Variants in STXBP5L observed in about 807,000 individuals in gnomAD.
STXBP5L encodes syntaxin binding protein 5L.
Under a neutral mutation model 144.5 loss-of-function variants are expected in STXBP5L, and 65 were observed. The ratio of observed to expected loss-of-function variants is 0.45; its 90% CI spans 0.37 to 0.55. The LOEUF is 0.55. Ranked by LOEUF, STXBP5L falls within the 20% of genes least tolerant of loss-of-function variation. The probability of loss-of-function intolerance (pLI) is 0.00; values close to 1 mark genes in which losing one functional copy is unlikely to be tolerated. For missense variants in STXBP5L, 1,298 were observed against 1,405.5 expected, an observed-to-expected ratio of 0.92 and a Z score of 1.22; for synonymous variants, 505 against 469.6, an observed-to-expected ratio of 1.08 and a Z score of -0.97.
chr3:121,371,843 G>A (rs968369480), intron 20 of STXBP5L, among the ~76,000 whole-genome samples: 2 of 152,222 alleles, frequency 1.3e-5, no homozygotes, highest in Non-Finnish European at 1.5e-5. Context: ...CACAGGCAGG[G>A]CAGGGCCAGT....
At chr3:121,173,348 A>G (rs1300521737) in intron 9 of STXBP5L, among the ~76,000 whole-genome samples, 1 of 150,380 alleles carries the variant, frequency 6.6e-6, no homozygotes, top group African/African-American at 2.4e-5. Flanking sequence ...AATAATAATA[A>G]TAATGATAAT....
intron 7 of STXBP5L, among the ~76,000 whole-genome samples, chr3:121,132,098 G>A (rs2045018003): frequency 6.6e-6 from 1 of 152,180 alleles, no homozygotes; most frequent in African/African-American, 2.4e-5. Flanking sequence ...TGTCTTGCCA[G>A]TCTTGGAGCA....
intron 3 of STXBP5L, among the ~76,000 whole-genome samples, chr3:120,983,955 T>C (rs757045315): frequency 2.8e-4 from 43 of 152,324 alleles, no homozygotes; most frequent in Non-Finnish European, 5.9e-4. Flanking sequence ...TTCCAGTCAG[T>C]CTCTTAACTG....
At chr3:121,121,182 C>T (rs2044443696) in intron 6 of STXBP5L, among the ~76,000 whole-genome samples, 2 of 151,156 alleles carry the variant, frequency 1.3e-5, no homozygotes, top group South Asian at 4.1e-4. Context: ...ATCAAAAGTG[C>T]CACTGTACTT....
chr3:121,340,188 A>G (rs569594494), intron 20 of STXBP5L, among the ~76,000 whole-genome samples: 1 of 152,180 alleles, frequency 6.6e-6, no homozygotes, highest in South Asian at 2.1e-4. Context: ...ACAAGATGTT[A>G]CTGGTATAAA....
chr3:120,976,679 T>C (rs1279450447), intron 3 of STXBP5L, among the ~76,000 whole-genome samples: 3 of 152,326 alleles, frequency 2.0e-5, no homozygotes, highest in Non-Finnish European at 2.9e-5. Flanking sequence ...CTTGTGGGCA[T>C]TTAGTGCTAT....
intron 18 of STXBP5L, among the ~76,000 whole-genome samples, chr3:121,279,207 G>A (rs2050974370): frequency 6.6e-6 from 1 of 151,760 alleles, no homozygotes; most frequent in African/African-American, 2.4e-5. Context: ...TTTCTCAGGA[G>A]ATTTAGTTAA....
chr3:120,971,445 A>G (rs1161262256), intron 3 of STXBP5L, among the ~76,000 whole-genome samples: 1 of 150,918 alleles, frequency 6.6e-6, no homozygotes, highest in African/African-American at 2.4e-5. Context: ...CTGTGTGTCT[A>G]TGTGTACCCA....
intron 3 of STXBP5L, among the ~76,000 whole-genome samples, chr3:120,958,647 C>T (rs1348840786): frequency 6.6e-6 from 1 of 152,144 alleles, no homozygotes; most frequent in African/African-American, 2.4e-5. Context: ...GAACCAAAGA[C>T]AAAAACCACA....
At chr3:121,414,969 A>G (rs2047198267) in intron 24 of STXBP5L, among the ~76,000 whole-genome samples, 1 of 152,164 alleles carries the variant, frequency 6.6e-6, no homozygotes, top group Non-Finnish European at 1.5e-5. Context: ...GGAATTAGTC[A>G]TTTCTCGGTT....
chr3:121,086,240 T>A (rs1404032302), intron 5 of STXBP5L, among the ~76,000 whole-genome samples: 1 of 152,138 alleles, frequency 6.6e-6, no homozygotes, highest in Admixed American at 6.5e-5. Context: ...TTTAGCTATA[T>A]CTGACAAATG....
chr3:121,062,116 T>C (rs1200387993), intron 5 of STXBP5L, among the ~76,000 whole-genome samples: 2 of 152,280 alleles, frequency 1.3e-5, no homozygotes, highest in East Asian at 1.9e-4. Context: ...TTGTTCCTGT[T>C]CATGTTTAGT....
chr3:121,168,656 G>C (rs942110114), intron 9 of STXBP5L, among the ~76,000 whole-genome samples: 1 of 152,016 alleles, frequency 6.6e-6, no homozygotes, highest in Non-Finnish European at 1.5e-5. Flanking sequence ...GAATGAAAAG[G>C]AATGAACAAA....
rs181445049 is a variant in STXBP5L at position 121,185,501 on chromosome 3, C to T, written c.878-20422C>T. Among the ~76,000 whole-genome samples the T allele has an allele frequency of 3.1e-3, 466 of 152,286 alleles. 5 individuals are homozygous for T. Among genetic ancestry groups the T allele is most frequent in the African/African-American group, 0.011 (449 of 41,558 alleles). ...AAGGTGTAAGTAAGGGATCCAGTTT[C>T]AGCTTTCTACATATGGCTGGCCAGT... On this transcript the variant is annotated intron_variant, in intron 9 of 26. Transcript: ENST00000471454.
chr3:121,266,217 C>T (rs569640368), intron 18 of STXBP5L, among the ~76,000 whole-genome samples: 12 of 152,202 alleles, frequency 7.9e-5, no homozygotes, highest in South Asian at 4.1e-4. Flanking sequence ...AACATCGATG[C>T]GAAAATCCTC....
rs1265521711 is a variant in STXBP5L, at chr3:121,313,385, C to T, written c.2111-5090C>T. 1.3e-4 allele frequency among the ~76,000 whole-genome samples: 16 copies of T among 123,648 alleles called. 1 individual carries two copies. The highest frequency in any genetic ancestry group is 5.3e-4 in the East Asian group (2 of 3,778). 81.1% of individuals were successfully genotyped at this position (123,648 alleles called of 152,430 possible). A position where few individuals can be genotyped will look rare whatever the true frequency, so the allele number is the denominator to read the frequency against. On this transcript the variant is annotated intron_variant, in intron 19 of 26. Transcript: ENST00000471454. ...CTCCCGGACTGGGCGGCTGGCCGGG[C>T]GGGGGGCTGACCCCCCACCTCCCTC... is the stretch of plus-strand genomic sequence containing the variant.
At chr3:121,175,696 G>A (rs1468307201) in intron 9 of STXBP5L, among the ~76,000 whole-genome samples, 1 of 151,808 alleles carries the variant, frequency 6.6e-6, no homozygotes, top group Admixed American at 6.6e-5. Flanking sequence ...TAACAAATAT[G>A]GTAGATTTTA....
chr3:121,004,771 A>G (rs145701570), intron 3 of STXBP5L, among the ~76,000 whole-genome samples: 2 of 152,240 alleles, frequency 1.3e-5, no homozygotes, highest in Non-Finnish European at 2.9e-5. Context: ...GCGTTGTTGA[A>G]TTTTGTCAAA....
chr3:121,005,393 T>C lies in STXBP5L; in HGVS notation c.288-36307T>C, dbSNP rs540917463. On this transcript the variant is annotated intron_variant, in intron 3 of 26. Transcript: ENST00000471454. ...GTTTGTATTTCTGTGTGAACGGTGG[T>C]GATATCCCCTTTATCATGTTTTATT... Among the ~76,000 whole-genome samples, 5 of 152,334 alleles carry C rather than the reference T, an allele frequency of 3.3e-5. No homozygotes were observed. In the East Asian group the frequency reaches 9.6e-4, roughly 29 times the overall value.
Sources: gnomAD v4.1 joint callset for allele counts (sites outside exome capture counted in the v4.1 genomes callset) on GRCh38, gnomAD v4.1.1 for gene constraint, MANE v1.5 for transcripts, NCBI Gene and HGNC (gene_info 2026-07-23, HGNC 2026-07-21) for gene names.